Variants in AFF2 observed in about 807,000 individuals in gnomAD.
The protein encoded by AFF2 is ALF transcription elongation factor 2, also known as AF4/FMR2 family member 2.
A neutral mutation model predicts 76.9 loss-of-function variants in AFF2; 14 were observed. The ratio of observed to expected loss-of-function variants is 0.18; its 90% CI spans 0.12 to 0.28. The LOEUF is 0.28. Ranked by LOEUF, AFF2 falls within the 10% of genes least tolerant of loss-of-function variation. The pLI is 1.00. For missense variants in AFF2, 868 were observed against 1,001.1 expected (o/e 0.87, Z 1.79); for synonymous variants, 398 against 366.7 (o/e 1.09, Z -0.98).
chrX:148,521,787 A>C (rs1278611089), intron 1 of AFF2, among the ~76,000 whole-genome samples: 1 of 111,719 alleles, frequency 9.0e-6, no homozygotes, highest in African/African-American at 3.3e-5. Flanking sequence ...TGTGTGGATA[A>C]TGTGTAAAAA....
intron 5 of AFF2, among the ~76,000 whole-genome samples, chrX:148,842,466 CAT>C (rs2070612579): frequency 1.8e-5 from 2 of 112,449 alleles, no homozygotes; most frequent in Non-Finnish European, 1.9e-5. Context: ...CATCTGTGCA[CAT>C]GTGTCATAGA....
At chrX:148,535,451 C>A (rs2052773379) in intron 1 of AFF2, among the ~76,000 whole-genome samples, 1 of 111,459 alleles carries the variant, frequency 9.0e-6, no homozygotes, top group Non-Finnish European at 1.9e-5. Flanking sequence ...ACCCTACTCA[C>A]ACATCTATAC....
At chrX:148,581,827 A>C (rs1603249783) in intron 1 of AFF2, among the ~76,000 whole-genome samples, 1 of 112,201 alleles carries the variant, frequency 8.9e-6, no homozygotes. Flanking sequence ...AAAATCAGGA[A>C]GCTAACATTG....
At chrX:148,928,917 G>C (rs536065965) in intron 9 of AFF2, among the ~76,000 whole-genome samples, 1 of 112,324 alleles carries the variant, frequency 8.9e-6, no homozygotes, top group South Asian at 3.7e-4. Context: ...TAGTAGTTGA[G>C]AATGGAACCC....
intron 8 of AFF2, among the ~76,000 whole-genome samples, chrX:148,889,137 T>C (rs150436210): frequency 3.9e-3 from 432 of 111,821 alleles, no homozygotes; most frequent in Non-Finnish European, 6.6e-3. Flanking sequence ...TAATGTGGGC[T>C]TAGAGCATAA....
intron 19 of AFF2, among the ~76,000 whole-genome samples, chrX:148,986,443 G>A (rs782154423): frequency 2.1e-3 from 232 of 112,208 alleles, no homozygotes; most frequent in African/African-American, 7.0e-3. Context: ...ACAGCCAGCA[G>A]GTGACTCCTT....
At chrX:148,719,360 C>G in intron 3 of AFF2, 1 of 449,288 alleles carries the variant, frequency 2.2e-6, no homozygotes, top group South Asian at 4.8e-5. Context: ...CTATCCAAAG[C>G]ACTGATTTAA....
intron 7 of AFF2, among the ~76,000 whole-genome samples, chrX:148,846,324 T>C (rs1166322492): frequency 8.1e-5 from 9 of 111,724 alleles, no homozygotes; most frequent in Admixed American, 6.6e-4. Flanking sequence ...TCAGTTGTGT[T>C]ATTGTGGGGG....
At chrX:148,785,051 TC>T (rs1464360872) in intron 3 of AFF2, among the ~76,000 whole-genome samples, 2 of 110,992 alleles carry the variant, frequency 1.8e-5, no homozygotes, top group Non-Finnish European at 1.9e-5. Context: ...CTTCTCTTGC[TC>T]CCCCCCTTCC....
In AFF2 at chrX:148,956,003, G is replaced by T. The variant is rs2072031317; in HGVS notation, c.1958G>T (p.Ser653Ile). 8.3e-7 allele frequency: 1 copy of T among 1,209,053 alleles called. No individual in the cohort carries two copies. The highest frequency in any genetic ancestry group is 1.8e-5 in the South Asian group (1 of 56,635). ...TGGCCCAAACCAAATATTACCAGCAGCACTCCCAAAGAAAAAGAAAGTGTG... is the reference window on the plus strand; with the variant it reads ...TGGCCCAAACCAAATATTACCAGCATCACTCCCAAAGAAAAAGAAAGTGTG... ...FTWPKPNITS[S>I]TPKEKESVEL... is the part of the protein sequence containing the mutation. Residue 653 changes from serine (S) to isoleucine (I), a missense_variant, in exon 11 of 21, where the codon AGC becomes ATC. Coordinates refer to ENST00000370460, the MANE Select transcript of AFF2 (RefSeq NM_002025.4).
intron 1 of AFF2, among the ~76,000 whole-genome samples, chrX:148,640,908 T>G (rs2124443022): frequency 8.9e-6 from 1 of 112,141 alleles, no homozygotes; most frequent in South Asian, 3.7e-4. Context: ...TTAATACCAC[T>G]TCATTCATGT....
At chrX:148,547,630 T>C (rs2052938326) in intron 1 of AFF2, among the ~76,000 whole-genome samples, 2 of 112,073 alleles carry the variant, frequency 1.8e-5, no homozygotes, top group African/African-American at 6.5e-5. Context: ...TTTTATTCTT[T>C]CCTTGTATTA....
chrX:148,581,984 G>A (rs1280009508), intron 1 of AFF2, among the ~76,000 whole-genome samples: 4 of 111,802 alleles, frequency 3.6e-5, no homozygotes, highest in Admixed American at 9.5e-5. Context: ...AATCTGGGAC[G>A]TTCCTCGCTC....
intron 1 of AFF2, among the ~76,000 whole-genome samples, chrX:148,609,137 T>A: frequency 9.0e-6 from 1 of 111,281 alleles, no homozygotes. Flanking sequence ...ATCCAGGGCT[T>A]AGGGGGCTCG....
chrX:148,549,366 T>A (rs1304043840), intron 1 of AFF2, among the ~76,000 whole-genome samples: 2 of 112,682 alleles, frequency 1.8e-5, no homozygotes, highest in Non-Finnish European at 3.7e-5. Context: ...TTTCTCATGT[T>A]ACAGATGAAA....
intron 3 of AFF2, among the ~76,000 whole-genome samples, chrX:148,802,740 A>T (rs1453226551): frequency 8.9e-6 from 1 of 111,737 alleles, no homozygotes; most frequent in Non-Finnish European, 1.9e-5. Flanking sequence ...TGAAAGTGAG[A>T]TCACTGCTTT....
rs782381229 is a variant in AFF2, at chrX:148,782,026, C to A, written c.1042-27850C>A. Among the ~76,000 whole-genome samples, 5 of 110,849 alleles carry A rather than the reference C, an allele frequency of 4.5e-5. No homozygotes were observed. The East Asian group carries it at 1.4e-3, about 32-fold the overall frequency. On this transcript the variant is annotated intron_variant, in intron 3 of 20. Coordinates refer to ENST00000370460, the MANE Select transcript of AFF2 (RefSeq NM_002025.4). ...TCCTTGGGCTGCACCCACTGTCTAA[C>A]CAGTCCCAATGAGATGAACTGGGTA... is the stretch of plus-strand genomic sequence containing the variant.
chrX:148,719,251 T>C (rs1234042300), intron 3 of AFF2: 35 of 1,119,003 alleles, frequency 3.1e-5, no homozygotes, highest in Non-Finnish European at 4.2e-5. Flanking sequence ...ATGAGTTGGC[T>C]GTAGAAGGTC....
intron 4 of AFF2, among the ~76,000 whole-genome samples, chrX:148,819,141 T>C (rs1437507069): frequency 4.5e-5 from 5 of 111,305 alleles, no homozygotes; most frequent in African/African-American, 1.6e-4. Flanking sequence ...GATGTGGAAG[T>C]ACTCTGAGCT....
Sources: gnomAD v4.1 joint callset for allele counts (sites outside exome capture counted in the v4.1 genomes callset) on GRCh38, gnomAD v4.1.1 for gene constraint, MANE v1.5 for transcripts, NCBI Gene and HGNC (gene_info 2026-07-23, HGNC 2026-07-21) for gene names.